GEMIN7: variants seen among roughly 807,000 people sequenced by gnomAD.
GEMIN7 encodes the protein gem-associated protein 7.
A neutral mutation model predicts 7.8 loss-of-function variants in GEMIN7; 7 were observed. The observed-to-expected ratio is 0.90, with a 90% CI of 0.51 to 1.69. GEMIN7 has a LOEUF of 1.69. Among genes scored for constraint, GEMIN7 ranks in the 40% most tolerant of loss-of-function variants. GEMIN7 has a pLI of 0.00. For synonymous variants in GEMIN7, 68 were observed against 72.4 expected (o/e 0.94, Z 0.31); for missense variants, 159 against 176.2 (o/e 0.90, Z 0.55).
At chr19:45,086,192 G>A (rs570179912) in intron 2 of GEMIN7, among the ~76,000 whole-genome samples, 5 of 151,644 alleles carry the variant, frequency 3.3e-5, no homozygotes, top group African/African-American at 4.8e-5. Flanking sequence ...GAACCTGGGA[G>A]GCGGAGGTTG....
chr19:45,082,023 ACCT>A (rs1568429861), intron 2 of GEMIN7, among the ~76,000 whole-genome samples: 2 of 151,992 alleles, frequency 1.3e-5, no homozygotes, highest in Non-Finnish European at 2.9e-5. Flanking sequence ...CACTACAGTG[ACCT>A]CCTCATTGCG....
rs138906444 is a variant in GEMIN7, at chr19:45,081,777, C to T, written c.-9+1748C>T. Among the ~76,000 whole-genome samples, 38 of 152,224 alleles carry T rather than the reference C, an allele frequency of 2.5e-4. No homozygotes were observed. In the East Asian group the frequency reaches 7.3e-3, roughly 29 times the overall value. ...GAGTAGCTGGGATTACAGGCACGCA[C>T]CACCACACCCAGCTAACTTTTGTAT... On this transcript the variant is annotated intron_variant, in intron 2 of 2. Transcript: ENST00000270257.
Position 45,090,464 on chromosome 19 carries a change from C to T in GEMIN7, c.350C>T (p.Ala117Val), listed in dbSNP as rs200995785. Reference protein sequence around the residue: ...LQTPIGVQAEALLRCSDIISY... With the variant: ...LQTPIGVQAEVLLRCSDIISY... ...ACTCCCATAGGTGTGCAAGCAGAGGCGCTGCTCCGATGTAGTGACATTATT... is the reference window on the plus strand; with the variant it reads ...ACTCCCATAGGTGTGCAAGCAGAGGTGCTGCTCCGATGTAGTGACATTATT... The change falls in exon 3 of 3, where the codon GCG becomes GTG. Residue 117 changes from alanine to valine, a missense_variant. Ala to Val is a moderately conservative substitution (Grantham distance 64, BLOSUM62 0). Transcript: ENST00000270257. 1.1e-5 allele frequency: 18 copies of T among 1,613,522 alleles called. No individual in the cohort carries two copies. Among genetic ancestry groups the T allele is most frequent in the East Asian group, 8.9e-5 (4 of 44,890 alleles).
Position 45,090,758 on chromosome 19 carries a change from T to G in GEMIN7, c.*248T>G, listed in dbSNP as rs944505885. 2 of 472,270 alleles carry G rather than the reference T, an allele frequency of 4.2e-6. No homozygotes were observed. Among genetic ancestry groups the G allele is most frequent in the Non-Finnish European group, 7.9e-6 (2 of 254,496 alleles). The allele number at this position is 472,270 out of a possible 1,614,324, so 29.3% of individuals were successfully genotyped here. On this transcript the variant is annotated 3_prime_UTR_variant, in exon 3 of 3. Transcript: ENST00000270257. ...CAGAACTCTGAACCCTACAGAAATA[T>G]GGGCCTGCTGCCATTTCCTGAAGAC... is the stretch of plus-strand genomic sequence containing the variant.
chr19:45,078,338 C>T (rs1336371908), upstream of GEMIN7, among the ~76,000 whole-genome samples: 4 of 152,142 alleles, frequency 2.6e-5, no homozygotes, highest in East Asian at 5.8e-4. Flanking sequence ...GATCCACCCG[C>T]CTCAGCCTCC....
chr19:45,076,145 C>A, upstream of GEMIN7: 1 of 1,547,900 alleles, frequency 6.5e-7, no homozygotes, highest in South Asian at 1.2e-5. The surrounding 1 kb of genome is among the most constrained non-coding windows in gnomAD (Gnocchi z 4.9). Context: ...AGGAGGGCGG[C>A]CCCGGCGGGC....
At chr19:45,083,130 A>C (rs1967556915) in intron 2 of GEMIN7, among the ~76,000 whole-genome samples, 1 of 152,178 alleles carries the variant, frequency 6.6e-6, no homozygotes, top group Admixed American at 6.5e-5. Context: ...CAAGAAGAAA[A>C]ATAAAATAAA....
At chr19:45,075,714 T>A (rs775782908), upstream of GEMIN7, 1 of 1,613,898 alleles carries the variant, frequency 6.2e-7, no homozygotes, top group Admixed American at 1.7e-5. Flanking sequence ...TTTACTCACC[T>A]GAGCCCTGGC....
chr19:45,078,236 G>A (rs1418456436), upstream of GEMIN7, among the ~76,000 whole-genome samples: 1 of 151,514 alleles, frequency 6.6e-6, no homozygotes, highest in Non-Finnish European at 1.5e-5. Context: ...GGAGTAGCTG[G>A]GATTACAGAT....
intron 2 of GEMIN7, 83 bp from the exon 3 acceptor site, chr19:45,090,024 A>C: frequency 1.4e-6 from 2 of 1,413,414 alleles, no homozygotes; most frequent in Non-Finnish European, 1.9e-6. Context: ...CTGGTAGACC[A>C]GCCTCTGCTT....
chr19:45,085,151 C>A (rs1337507944), intron 2 of GEMIN7, among the ~76,000 whole-genome samples: 2 of 152,218 alleles, frequency 1.3e-5, no homozygotes, highest in Non-Finnish European at 2.9e-5. Context: ...AACTCCTGAC[C>A]TCAGGTGATC....
upstream of GEMIN7, among the ~76,000 whole-genome samples, chr19:45,077,979 T>TGAGA: frequency 6.6e-6 from 1 of 152,190 alleles, no homozygotes; most frequent in East Asian, 1.9e-4. Flanking sequence ...CTCCTCCTGC[T>TGAGA]TCAGCATCCC....
At chr19:45,075,996 A>AG, upstream of GEMIN7, 1 of 1,568,404 alleles carries the variant, frequency 6.4e-7, no homozygotes, top group Non-Finnish European at 8.6e-7. Context: ...AGGCAGGGCG[A>AG]GGGGCCCATG....
At chr19:45,076,059 G>A, upstream of GEMIN7, 1 of 1,578,064 alleles carries the variant, frequency 6.3e-7, no homozygotes, top group Non-Finnish European at 8.6e-7. The surrounding 1 kb of genome is among the most constrained non-coding windows in gnomAD (Gnocchi z 4.9). Context: ...GCTGGGCCCA[G>A]GGCCCGGGGT....
intron 2 of GEMIN7, among the ~76,000 whole-genome samples, chr19:45,080,444 C>T (rs1356636354): frequency 1.3e-5 from 2 of 150,904 alleles, no homozygotes; most frequent in African/African-American, 4.9e-5. Flanking sequence ...GGCGTGATCT[C>T]CGCTCACTGC....
chr19:45,078,955 TG>T (rs2122645495), upstream of GEMIN7, among the ~76,000 whole-genome samples: 1 of 152,218 alleles, frequency 6.6e-6, no homozygotes, highest in East Asian at 1.9e-4. Context: ...TGTAGGGGGA[TG>T]GGGATGCAAA....
upstream of GEMIN7, chr19:45,076,264 T>C: frequency 6.7e-7 from 1 of 1,498,780 alleles, no homozygotes; most frequent in South Asian, 1.3e-5. The surrounding 1 kb of genome is among the most constrained non-coding windows in gnomAD (Gnocchi z 4.9). Context: ...CGCGTCTGGC[T>C]CGGGCTTGAG....
At chr19:45,086,359 G>C (rs1470235723) in intron 2 of GEMIN7, among the ~76,000 whole-genome samples, 1 of 152,152 alleles carries the variant, frequency 6.6e-6, no homozygotes, top group East Asian at 1.9e-4. Context: ...ACTCAGCTCA[G>C]TTAGTCCTCA....
rs1279126880 is a variant in GEMIN7, at chr19:45,090,140, T to C, written c.26T>C (p.Val9Ala). The change falls in exon 3 of 3, where the codon GTG becomes GCG. Residue 9 changes from valine to alanine, a missense_variant. Transcript: ENST00000270257. ...ATGCAAACTCCAGTGAACATTCCCG[T>C]GCCTGTGCTCCGGCTGCCCCGGGGC... MQTPVNIPVPVLRLPRGPD... is the reference protein window; with the variant it reads MQTPVNIPAPVLRLPRGPD... The C allele has an allele frequency of 4.3e-6, 7 of 1,613,394 alleles. No individual in the cohort carries two copies. The highest frequency in any genetic ancestry group is 1.3e-5 in the African/African-American group (1 of 75,050).
Sources: allele counts gnomAD v4.1 joint callset (sites outside exome capture counted in the v4.1 genomes callset), GRCh38; gene constraint gnomAD v4.1.1; non-coding constraint Gnocchi (gnomAD v3.1); transcripts MANE v1.5; gene names NCBI Gene and HGNC (gene_info 2026-07-23, HGNC 2026-07-21).